Variants in TRPM3 observed in about 807,000 individuals in gnomAD.
TRPM3 encodes the protein transient receptor potential cation channel subfamily M member 3.
In TRPM3, 77 loss-of-function variants were observed where a neutral mutation model predicts 181.2. That is an observed-to-expected ratio of 0.42 (90% CI 0.35 to 0.51). TRPM3 has a LOEUF of 0.51. Among genes scored for constraint, TRPM3 ranks in the 20% least tolerant of loss-of-function variants. TRPM3 has a pLI of 0.01. For synonymous variants in TRPM3, 745 were observed against 796.4 expected (o/e 0.94, Z 1.09); for missense variants, 1,759 against 2,196.7 (o/e 0.80, Z 3.98).
chr9:71,278,275 T>C (rs1224617576), intron 1 of TRPM3, among the ~76,000 whole-genome samples: 1 of 152,138 alleles, frequency 6.6e-6, no homozygotes, highest in Non-Finnish European at 1.5e-5. Flanking sequence ...TTTGTAGAGG[T>C]GATAAATTCC....
intron 8 of TRPM3, among the ~76,000 whole-genome samples, chr9:70,701,593 G>C (rs1253393251): frequency 1.8e-5 from 2 of 110,088 alleles, no homozygotes; most frequent in Non-Finnish European, 4.5e-5. Flanking sequence ...ATATATTCTG[G>C]GGTAGTTAAG....
intron 1 of TRPM3, among the ~76,000 whole-genome samples, chr9:70,884,449 G>A (rs562496930): frequency 6.6e-5 from 10 of 152,318 alleles, no homozygotes; most frequent in African/African-American, 1.4e-4. Flanking sequence ...CTGAGAATGC[G>A]CTGACCAGGC....
chr9:71,165,720 T>C (rs2076509392), intron 1 of TRPM3, among the ~76,000 whole-genome samples: 1 of 152,090 alleles, frequency 6.6e-6, no homozygotes, highest in Admixed American at 6.6e-5. Context: ...ACCCTAATCA[T>C]GAGAGAGAGG....
intron 1 of TRPM3, among the ~76,000 whole-genome samples, chr9:70,877,829 A>ACACACACACACACT (rs1196818421): frequency 2.0e-5 from 3 of 150,626 alleles, no homozygotes; most frequent in Non-Finnish European, 4.4e-5. Flanking sequence ...ACACACACAC[A>ACACACACACACACT]CTCCCATGAA....
rs530520182 is a variant in TRPM3, at chr9:70,640,945, A to G, written c.1346-285T>C. Among the ~76,000 whole-genome samples the G allele has an allele frequency of 4.4e-4, 67 of 152,320 alleles. 2 individuals are homozygous for G. The South Asian group carries it at 0.013, about 31-fold the overall frequency. On this transcript the variant is annotated intron_variant, in intron 9 of 25. Transcript: ENST00000677713. Reference sequence around the variant, plus strand: ...TGCTTTTTTGATATATAATAATTGTACATGTTTATGGTATGCATGTGATAT... The same window carrying G: ...TGCTTTTTTGATATATAATAATTGTGCATGTTTATGGTATGCATGTGATAT...
At chr9:70,609,114 A>C (rs1050556785) in intron 19 of TRPM3, among the ~76,000 whole-genome samples, 1 of 152,178 alleles carries the variant, frequency 6.6e-6, no homozygotes, top group Non-Finnish European at 1.5e-5. Context: ...TCTTGATTAA[A>C]TCCTATAAAA....
intron 1 of TRPM3, among the ~76,000 whole-genome samples, chr9:70,969,756 TTATATATATATATA>T (rs78938143): frequency 2.7e-4 from 34 of 126,590 alleles, no homozygotes; most frequent in South Asian, 5.3e-4. Context: ...CTGAATGATT[TTATATATATATATA>T]TATATATATA....
intron 1 of TRPM3, among the ~76,000 whole-genome samples, chr9:71,089,319 G>A (rs1003425058): frequency 6.6e-6 from 1 of 150,846 alleles, no homozygotes; most frequent in Non-Finnish European, 1.5e-5. Flanking sequence ...CTCCAAACAT[G>A]CTATACAAAG....
At chr9:71,178,315 A>G (rs2077218445) in intron 1 of TRPM3, among the ~76,000 whole-genome samples, 1 of 152,140 alleles carries the variant, frequency 6.6e-6, no homozygotes, top group Non-Finnish European at 1.5e-5. Context: ...AAACATAAAT[A>G]TTTTCCATAG....
chr9:70,551,957 C>A (rs956440522), intron 24 of TRPM3, among the ~76,000 whole-genome samples: 2 of 152,164 alleles, frequency 1.3e-5, no homozygotes, highest in African/African-American at 4.8e-5. Context: ...GTGTTAAGAG[C>A]TTCAGATTTA....
rs1023353141 is a variant in TRPM3 at position 70,868,945 on chromosome 9, G to A, written c.178-4434C>T. 6.9e-5 allele frequency: 67 copies of A among 968,006 alleles called. No individual in the cohort carries two copies. The Admixed American group carries it at 7.4e-4, about 11-fold the overall frequency. The allele number at this position is 968,006 out of a possible 1,614,324, so 60.0% of individuals were successfully genotyped here. On this transcript the variant is annotated intron_variant, in intron 1 of 25. Transcript: ENST00000677713. ...CCTCTAGGTCCCCAGATCCAATATT[G>A]AGAAGTTGAACAAGAGAAAAGTTAG...
In TRPM3 at chr9:70,531,832, A is replaced by G. The variant is rs1245587694; in HGVS notation, c.*4121T>C. 1 of 152,296 alleles carries G rather than the reference A, an allele frequency of 6.6e-6. No individual in the cohort carries two copies. Among genetic ancestry groups the G allele is most frequent in the Non-Finnish European group, 1.5e-5 (1 of 68,032 alleles). The allele number at this position is 152,296 out of a possible 1,614,324, so 9.4% of individuals were successfully genotyped here. A position where few individuals can be genotyped will look rare whatever the true frequency, so the allele number is the denominator to read the frequency against. Reference sequence around the variant, plus strand: ...CAGCTCGCAGGACTCATTAGAGGATATACATCAGCTTACACACATATTTTA... The same window carrying G: ...CAGCTCGCAGGACTCATTAGAGGATGTACATCAGCTTACACACATATTTTA... On this transcript the variant is annotated 3_prime_UTR_variant, in exon 26 of 26. Coordinates refer to ENST00000677713, the MANE Select transcript of TRPM3 (RefSeq NM_001366145.2).
At chr9:70,917,288 C>G (rs878878331) in intron 1 of TRPM3, 11 of 1,397,482 alleles carry the variant, frequency 7.9e-6, no homozygotes, top group Non-Finnish European at 1.1e-5. Flanking sequence ...AATTAGGAAG[C>G]GAAAGTGGTA....
intron 1 of TRPM3, among the ~76,000 whole-genome samples, chr9:70,878,980 C>T (rs983698955): frequency 1.3e-5 from 2 of 152,064 alleles, no homozygotes; most frequent in Non-Finnish European, 2.9e-5. Context: ...GCAGCAATAA[C>T]AGTTTTATAG....
At chr9:71,334,030 T>C (rs2090393448) in intron 1 of TRPM3, among the ~76,000 whole-genome samples, 1 of 151,882 alleles carries the variant, frequency 6.6e-6, no homozygotes, top group African/African-American at 2.4e-5. Context: ...AAAGTGAGCA[T>C]TCATTGATAA....
chr9:71,204,163 A>G (rs1343184531), intron 1 of TRPM3, among the ~76,000 whole-genome samples: 2 of 151,360 alleles, frequency 1.3e-5, no homozygotes, highest in Non-Finnish European at 1.5e-5. Flanking sequence ...CAAGGACTTC[A>G]TGTCTAAAAC....
rs1279274016 is a variant in TRPM3, at chr9:70,535,494, A to G, written c.*459T>C. ...GATGGAGCCAATGTGAAAAGAAAAC[A>G]GAATGGAAGTTTAGAATATCTCATT... is the stretch of plus-strand genomic sequence containing the variant. On this transcript the variant is annotated 3_prime_UTR_variant, in exon 26 of 26. Coordinates refer to ENST00000677713, the MANE Select transcript of TRPM3 (RefSeq NM_001366145.2). 3.8e-5 allele frequency: 59 copies of G among 1,550,308 alleles called. No homozygotes were observed. The highest frequency in any genetic ancestry group is 5.1e-5 in the Non-Finnish European group (59 of 1,147,008).
Position 70,747,511 on chromosome 9 carries a change from GA to G in TRPM3, c.1272+14089del, listed in dbSNP as rs574031055. 9.0e-4 allele frequency among the ~76,000 whole-genome samples: 137 copies of G among 152,266 alleles called. 1 individual carries two copies. The highest frequency in any genetic ancestry group is 3.2e-3 in the African/African-American group (134 of 41,578). The stretch of plus-strand genomic sequence containing the variant: ...AAAACATTCTACTTTACGTTCAAAA[GA>G]GTGATATGATTGGTTCTGTGCTTCA... On this transcript the variant is annotated intron_variant, in intron 8 of 25. Coordinates refer to ENST00000677713, the MANE Select transcript of TRPM3 (RefSeq NM_001366145.2).
intron 7 of TRPM3, among the ~76,000 whole-genome samples, chr9:70,783,388 T>C (rs926796670): frequency 6.6e-6 from 1 of 152,120 alleles, no homozygotes; most frequent in Non-Finnish European, 1.5e-5. Context: ...TTAGGATGGT[T>C]TATTTTGATC....
Sources: gnomAD v4.1 joint callset for allele counts (sites outside exome capture counted in the v4.1 genomes callset) on GRCh38, gnomAD v4.1.1 for gene constraint, MANE v1.5 for transcripts, NCBI Gene and HGNC (gene_info 2026-07-23, HGNC 2026-07-21) for gene names.